NPAT: variants seen among roughly 807,000 people sequenced by gnomAD.
NPAT encodes the protein protein NPAT.
A neutral mutation model predicts 130.7 loss-of-function variants in NPAT; 52 were observed. The ratio of observed to expected loss-of-function variants is 0.40; its 90% confidence interval spans 0.32 to 0.50. NPAT has a LOEUF of 0.50. Ranked by LOEUF, NPAT falls within the 20% of genes least tolerant of loss-of-function variation. NPAT has a pLI of 0.68. For synonymous variants in NPAT, 580 were observed against 584.8 expected, an observed-to-expected ratio of 0.99 and a Z score of 0.12; for missense variants, 1,687 against 1,662.6, an observed-to-expected ratio of 1.01 and a Z score of -0.26.
rs1192199352 is a variant in NPAT, at chr11:108,198,790, C to T, written c.38-1370G>A. ...GAATCCCCTCTCACATGGAGCTCTA[C>T]TCACGTTGGGTCCCCTCTCGTGTCG... On this transcript the variant is annotated intron_variant, in intron 1 of 17. Coordinates refer to ENST00000278612, the MANE Select transcript of NPAT (RefSeq NM_002519.3). Among the ~76,000 whole-genome samples, 5 of 152,218 alleles carry T rather than the reference C, an allele frequency of 3.3e-5. No individual in the cohort carries two copies. In the East Asian group the frequency reaches 9.6e-4, roughly 29 times the overall value.
intron 3 of NPAT, among the ~76,000 whole-genome samples, chr11:108,192,954 CA>C (rs796134451): frequency 4.5e-5 from 6 of 134,342 alleles, no homozygotes; most frequent in South Asian, 2.4e-4. Flanking sequence ...ACTCCCGTCT[CA>C]AAAAAAAAAC....
chr11:108,191,119 A>AT (rs1410717921), intron 4 of NPAT, among the ~76,000 whole-genome samples: 2 of 152,184 alleles, frequency 1.3e-5, no homozygotes, highest in African/African-American at 4.8e-5. Context: ...ACATATTAAC[A>AT]TTTTTGAGTA....
chr11:108,185,986 G>A (rs1305980632), intron 8 of NPAT, among the ~76,000 whole-genome samples: 4 of 151,788 alleles, frequency 2.6e-5, no homozygotes, highest in African/African-American at 9.7e-5. Flanking sequence ...CTCTCAAAGT[G>A]CTGGGATTAC....
intron 1 of NPAT, chr11:108,208,413 G>A: frequency 2.2e-6 from 1 of 455,528 alleles, no homozygotes; most frequent in East Asian, 7.0e-5. Context: ...AACCTAGTGA[G>A]AACCCACCTC....
At chr11:108,159,464 G>C (rs1325200439) in intron 17 of NPAT, among the ~76,000 whole-genome samples, 2 of 152,102 alleles carry the variant, frequency 1.3e-5, no homozygotes, top group African/African-American at 4.8e-5. Context: ...AAGTGATGAG[G>C]CTGAGACTCA....
chr11:108,188,155 G>C lies in NPAT; in HGVS notation c.581C>G (p.Pro194Arg). The change falls in exon 7 of 18, where the codon CCT (proline) becomes CGT (arginine). Residue 194 changes from proline to arginine, a missense_variant. Coordinates refer to ENST00000278612, the MANE Select transcript of NPAT (RefSeq NM_002519.3). ...ATGTGCTTTCTTTTCCTGAGCACCA[G>C]GAATGACATTTAAAGCTTCTCCAGC... ...VTTGEALNVI[P>R]GAQEKKAHAS... 1 of 1,613,256 alleles carries C rather than the reference G, an allele frequency of 6.2e-7. No individual in the cohort carries two copies. Among genetic ancestry groups the C allele is most frequent in the East Asian group, 2.2e-5 (1 of 44,788 alleles).
Position 108,172,560 on chromosome 11 carries a change from G to A in NPAT, c.2424C>T (p.Ala808=), listed in dbSNP as rs762518189. The A allele has an allele frequency of 6.2e-7, 1 of 1,614,116 alleles. No individual in the cohort carries two copies. Among genetic ancestry groups the A allele is most frequent in the East Asian group, 2.2e-5 (1 of 44,866 alleles). The change falls in exon 13 of 18, where the codon GCC becomes GCT. Residue 808 remains alanine, a synonymous_variant. Transcript: ENST00000278612. ...AVVYAEVGDS[A]SMEQSLLTFK... ...ATGTTAAAAGACTCTGTTCCATTGA[G>A]GCTGAATCCCCTACTTCGGCATATA...
chr11:108,187,416 T>C, intron 7 of NPAT, among the ~76,000 whole-genome samples: 1 of 152,200 alleles, frequency 6.6e-6, no homozygotes, highest in East Asian at 1.9e-4. Context: ...TGTACCACTA[T>C]ACTCTAACCT....
chr11:108,186,609 T>C, intron 7 of NPAT, 40 bp from the exon 8 acceptor site: 5 of 1,473,228 alleles, frequency 3.4e-6, no homozygotes, highest in Non-Finnish European at 4.7e-6. Context: ...AACCACTATA[T>C]TTAACAGATT....
At chr11:108,215,274 TAGTC>T (rs147793079) in intron 1 of NPAT, among the ~76,000 whole-genome samples, 3,103 of 152,290 alleles carry the variant, frequency 0.02, 66 homozygotes, top group African/African-American at 0.049. Flanking sequence ...GCTGGCATAA[TAGTC>T]AGTAAGTATT....
Position 108,158,781 on chromosome 11 carries a change from A to G in NPAT, c.*161T>C. 1 of 582,212 alleles carries G rather than the reference A, an allele frequency of 1.7e-6. No individual in the cohort carries two copies. The highest frequency in any genetic ancestry group is 2.0e-5 in the South Asian group (1 of 50,568). 36.1% of individuals were successfully genotyped at this position (582,212 alleles called of 1,614,324 possible). A position where few individuals can be genotyped will look rare whatever the true frequency, so the allele number is the denominator to read the frequency against. ...TACCAAGTAAGTCTATTTACAAACT[A>G]GGAAGCTGTTTCAGAAACAGCATGA... On this transcript the variant is annotated 3_prime_UTR_variant, in exon 18 of 18. Transcript: ENST00000278612.
chr11:108,191,541 G>C (rs986636323), intron 4 of NPAT, among the ~76,000 whole-genome samples: 2 of 152,198 alleles, frequency 1.3e-5, no homozygotes, highest in Non-Finnish European at 2.9e-5. Context: ...AGCATTTGGA[G>C]CCATTTTAGC....
At chr11:108,212,644 C>T (rs879446644) in intron 1 of NPAT, among the ~76,000 whole-genome samples, 4 of 151,172 alleles carry the variant, frequency 2.6e-5, no homozygotes, top group Non-Finnish European at 4.4e-5. Flanking sequence ...ACAACAACAA[C>T]AACAAAAAAA....
At chr11:108,211,821 G>C (rs2078386257) in intron 1 of NPAT, among the ~76,000 whole-genome samples, 1 of 152,176 alleles carries the variant, frequency 6.6e-6, no homozygotes, top group Non-Finnish European at 1.5e-5. Context: ...ATGGTGGCAT[G>C]TGCCTATAGT....
At chr11:108,201,641 A>G (rs1178338897) in intron 1 of NPAT, among the ~76,000 whole-genome samples, 1 of 152,224 alleles carries the variant, frequency 6.6e-6, no homozygotes, top group East Asian at 1.9e-4. Flanking sequence ...CCTTGTCAGT[A>G]CCAGAGGCCA....
chr11:108,190,406 C>G, intron 5 of NPAT, 54 bp downstream of exon 5: 1 of 1,320,750 alleles, frequency 7.6e-7, no homozygotes, highest in Non-Finnish European at 1.1e-6. Flanking sequence ...AAATGTTCAT[C>G]TGATAGTTTA....
At chr11:108,179,173 T>C (rs1415580232) in intron 10 of NPAT, among the ~76,000 whole-genome samples, 2 of 152,212 alleles carry the variant, frequency 1.3e-5, no homozygotes, top group African/African-American at 4.8e-5. Flanking sequence ...AATACTTACA[T>C]GCGAAATAAT....
chr11:108,190,537 T>C, intron 4 of NPAT, 37 bp from the exon 5 acceptor site: 1 of 1,583,440 alleles, frequency 6.3e-7, no homozygotes, highest in Non-Finnish European at 8.7e-7. Flanking sequence ...CATCAAAAAA[T>C]GTTTGTTGCT....
chr11:108,165,474 T>TATATA (rs1482555160), intron 15 of NPAT, among the ~76,000 whole-genome samples: 3 of 105,818 alleles, frequency 2.8e-5, no homozygotes, highest in South Asian at 3.2e-4. Context: ...ATATATATAT[T>TATATA]TTTTTTTTGT....
Sources: gnomAD v4.1 joint callset for allele counts (sites outside exome capture counted in the v4.1 genomes callset) on GRCh38, gnomAD v4.1.1 for gene constraint, MANE v1.5 for transcripts, NCBI Gene and HGNC (gene_info 2026-07-23, HGNC 2026-07-21) for gene names.